Variants in EML5 observed in about 807,000 individuals in gnomAD.
The protein encoded by EML5 is EMAP like 5, also known as echinoderm microtubule-associated protein-like 5.
A neutral mutation model predicts 250.0 loss-of-function variants in EML5; 120 were observed. The observed-to-expected ratio is 0.48, with a 90% confidence interval of 0.41 to 0.56. The LOEUF (loss-of-function observed/expected upper bound fraction) is 0.56. EML5 is among the 20% of genes least tolerant of loss of function. The probability of loss-of-function intolerance (pLI) is 0.00; values close to 1 mark genes in which losing one functional copy is unlikely to be tolerated. For synonymous variants in EML5, 771 were observed against 806.5 expected (o/e 0.96, Z 0.75); for missense variants, 2,006 against 2,437.6 (o/e 0.82, Z 3.73).
intron 2 of EML5, among the ~76,000 whole-genome samples, chr14:88,751,507 G>GT (rs71301972): frequency 0.086 from 12,956 of 151,222 alleles, 677 homozygotes; most frequent in Non-Finnish European, 0.12. Flanking sequence ...AAGAGGAAGA[G>GT]TTTTTTTTTG....
chr14:88,776,780 C>T (rs1302068941), intron 1 of EML5, among the ~76,000 whole-genome samples: 1 of 151,662 alleles, frequency 6.6e-6, no homozygotes, highest in Non-Finnish European at 1.5e-5. Flanking sequence ...ACTCAGAAGG[C>T]TAAGGTGAGA....
rs553011213 is a variant in EML5 at position 88,646,032 on chromosome 14, C to T, written c.4028+915G>A. ...TTATTCAAATACTGAATAACCGGAACATTGAATTTAAATCAATCATGCACC... is the reference window on the plus strand; with the variant it reads ...TTATTCAAATACTGAATAACCGGAATATTGAATTTAAATCAATCATGCACC... On this transcript the variant is annotated intron_variant, in intron 29 of 43. Transcript: ENST00000554922. 7.9e-5 allele frequency among the ~76,000 whole-genome samples: 12 copies of T among 152,220 alleles called. No homozygotes were observed. In the South Asian group the frequency reaches 2.5e-3, roughly 32 times the overall value.
chr14:88,625,154 C>T (rs771438247), intron 35 of EML5, 27 bp from the exon 36 acceptor site: 4 of 1,610,306 alleles, frequency 2.5e-6, no homozygotes, highest in Middle Eastern at 1.7e-4. Context: ...GAGGGGGAGA[C>T]AAACTCATCA....
intron 1 of EML5, among the ~76,000 whole-genome samples, chr14:88,773,238 C>T (rs1438967062): frequency 6.6e-6 from 1 of 152,206 alleles, no homozygotes; most frequent in Non-Finnish European, 1.5e-5. Flanking sequence ...ATAATTATGA[C>T]CTTCCAGGTT....
At chr14:88,721,235 T>G (rs75280970) in intron 8 of EML5, among the ~76,000 whole-genome samples, 2 of 152,144 alleles carry the variant, frequency 1.3e-5, no homozygotes, top group South Asian at 4.1e-4. Context: ...AAACTACCAC[T>G]GATATTCTTC....
At chr14:88,671,023 G>A (rs2092449171) in intron 21 of EML5, among the ~76,000 whole-genome samples, 1 of 152,074 alleles carries the variant, frequency 6.6e-6, no homozygotes, top group Non-Finnish European at 1.5e-5. Context: ...AACCTAACAA[G>A]ACAGGCCAAA....
intron 25 of EML5, among the ~76,000 whole-genome samples, chr14:88,660,606 G>T (rs2092054942): frequency 6.6e-6 from 1 of 151,956 alleles, no homozygotes; most frequent in South Asian, 2.1e-4. Context: ...AGCTGGGCAT[G>T]GTGGTGCGCG....
intron 21 of EML5, among the ~76,000 whole-genome samples, chr14:88,677,967 T>C (rs2092633231): frequency 6.6e-6 from 1 of 152,170 alleles, no homozygotes; most frequent in Non-Finnish European, 1.5e-5. Context: ...ACAGAAATCA[T>C]TCTATTACAA....
chr14:88,646,820 G>GA (rs2091369819), intron 29 of EML5, 127 bp downstream of exon 29: 1 of 913,216 alleles, frequency 1.1e-6, no homozygotes, highest in Non-Finnish European at 1.6e-6. Context: ...AATTCCAAAG[G>GA]AAAAAAATGT....
intron 8 of EML5, among the ~76,000 whole-genome samples, chr14:88,717,046 A>T (rs2093507486): frequency 6.6e-6 from 1 of 152,228 alleles, no homozygotes; most frequent in Non-Finnish European, 1.5e-5. Flanking sequence ...ATAATACATC[A>T]CAAAGTAAAG....
intron 41 of EML5, 25 bp from the exon 42 acceptor site, chr14:88,616,904 C>T (rs773975809): frequency 3.7e-6 from 6 of 1,609,380 alleles, no homozygotes; most frequent in Non-Finnish European, 4.2e-6. Flanking sequence ...CAAAAGAAAA[C>T]TCATCATGGC....
chr14:88,728,472 G>A (rs974303739), intron 7 of EML5, among the ~76,000 whole-genome samples: 1 of 152,120 alleles, frequency 6.6e-6, no homozygotes, highest in African/African-American at 2.4e-5. Context: ...TGCATTATAT[G>A]TACTAATACT....
intron 8 of EML5, among the ~76,000 whole-genome samples, chr14:88,720,804 C>T (rs1290101771): frequency 6.6e-6 from 1 of 152,094 alleles, no homozygotes; most frequent in African/African-American, 2.4e-5. Context: ...AGAAATAAAG[C>T]ATATTCAAAT....
At chr14:88,750,128 C>T (rs541310840) in intron 2 of EML5, among the ~76,000 whole-genome samples, 20 of 152,120 alleles carry the variant, frequency 1.3e-4, no homozygotes, top group Non-Finnish European at 2.5e-4. Context: ...TACTATTTCA[C>T]TTACTATAGA....
At position 88,763,429 on chromosome 14, in the gene EML5, C is replaced by T. The variant is rs189817305; in HGVS notation, c.198-8758G>A. ...GAAGAACTGGATAAATTTCTAGACA[C>T]ACACACCCCCCCAAGACTAAACCAG... On this transcript the variant is annotated intron_variant, in intron 1 of 43. Coordinates refer to ENST00000554922, the MANE Select transcript of EML5 (RefSeq NM_183387.3). Among the ~76,000 whole-genome samples the T allele has an allele frequency of 1.8e-3, 277 of 152,186 alleles. 1 individual carries two copies. Among genetic ancestry groups the T allele is most frequent in the African/African-American group, 6.4e-3 (264 of 41,532 alleles).
intron 18 of EML5, 23 bp from the exon 19 acceptor site, chr14:88,687,350 G>A: frequency 6.7e-7 from 1 of 1,490,972 alleles, no homozygotes; most frequent in Admixed American, 2.3e-5. Flanking sequence ...AAAGGTTCAA[G>A]TTAATAAAGA....
intron 21 of EML5, 96 bp downstream of exon 21, chr14:88,681,794 G>A: frequency 7.6e-7 from 1 of 1,308,748 alleles, no homozygotes; most frequent in Non-Finnish European, 1.0e-6. Context: ...CATATTTAAA[G>A]CCTTTTTAAA....
At chr14:88,669,451 T>G (rs1023917855) in intron 21 of EML5, among the ~76,000 whole-genome samples, 2 of 152,166 alleles carry the variant, frequency 1.3e-5, no homozygotes, top group African/African-American at 4.8e-5. Context: ...TTCACCACAG[T>G]GCAGCACAGA....
chr14:88,705,541 C>A lies in EML5; in HGVS notation c.1873G>T (p.Asp625Tyr). 1 of 1,603,572 alleles carries A rather than the reference C, an allele frequency of 6.2e-7. No homozygotes were observed. The highest frequency in any genetic ancestry group is 8.5e-7 in the Non-Finnish European group (1 of 1,174,492). The change falls in exon 12 of 44, where the codon GAT (aspartate) becomes TAT (tyrosine). Residue 625 changes from aspartate (D) to tyrosine (Y), a missense_variant. Asp to Tyr is a radical substitution (Grantham distance 160). This residue lies in a region of EML5 where 1,375 missense variants were observed against 1,590.3 expected (regional missense o/e 0.86). Transcript: ENST00000554922. ...HSDESDSDLS[D>Y]VPELDSEIEQ... ...ATTTCAGAATCCAGTTCTGGAACAT[C>A]AGACAGATCTGAATCTGATTCATCA...
Sources: allele counts gnomAD v4.1 joint callset (sites outside exome capture counted in the v4.1 genomes callset), GRCh38; gene constraint gnomAD v4.1.1; regional missense constraint gnomAD v4.1.1; transcripts MANE v1.5; gene names NCBI Gene and HGNC (gene_info 2026-07-23, HGNC 2026-07-21).